POLQ: variants seen among roughly 807,000 people sequenced by gnomAD.
POLQ encodes epididymis secretory sperm binding protein.
A neutral mutation model predicts 259.2 loss-of-function variants in POLQ; 233 were observed. The observed-to-expected ratio is 0.90, with a 90% CI of 0.81 to 1.00. The LOEUF is 1.00. POLQ is among the 50% of genes least tolerant of loss of function. The probability of loss-of-function intolerance (pLI) is 0.00; values close to 1 mark genes in which losing one functional copy is unlikely to be tolerated. For missense variants in POLQ, 2,871 were observed against 3,051.6 expected, an observed-to-expected ratio of 0.94 and a Z score of 1.39; for synonymous variants, 1,025 against 1,048.8, an observed-to-expected ratio of 0.98 and a Z score of 0.44.
At chr3:121,528,489 G>T (rs993088699) in intron 7 of POLQ, among the ~76,000 whole-genome samples, 1 of 151,602 alleles carries the variant, frequency 6.6e-6, no homozygotes, top group Admixed American at 6.6e-5. Context: ...GATTACAGGC[G>T]TGCACCACCA....
At position 121,497,445 on chromosome 3, in the gene POLQ, C is replaced by CT. The variant is rs1005747994; in HGVS notation, c.2154-514dup. 1.7e-3 allele frequency among the ~76,000 whole-genome samples: 252 copies of CT among 151,110 alleles called. 3 individuals carry two copies. The highest frequency in any genetic ancestry group is 5.7e-3 in the South Asian group (27 of 4,764). ...AAGAAAAATCATTTCATTATTATTT[C>CT]TTTTTTTTTGAGACGGAGTCTCACT... On this transcript the variant is annotated intron_variant, in intron 13 of 29. Transcript: ENST00000264233.
chr3:121,483,718 TTCAGCATC>T (rs2047989030), intron 17 of POLQ, 136 bp from the exon 18 acceptor site: 1 of 559,602 alleles, frequency 1.8e-6, no homozygotes, highest in Non-Finnish European at 3.0e-6. Context: ...TGACGAGTAA[TTCAGCATC>T]TTATCCAGGT....
Position 121,522,150 on chromosome 3 carries a change from C to G in POLQ, c.1109-1G>C, listed in dbSNP as rs1356155505. The G allele has an allele frequency of 1.9e-6, 3 of 1,591,120 alleles. No homozygotes were observed. Among genetic ancestry groups the G allele is most frequent in the South Asian group, 1.2e-5 (1 of 86,600 alleles). ...GGGCATTCAGAGGGTTTCACCAATC[C>G]TGTCACAAAAAAATTATCAACACCA... On this transcript the variant is annotated splice_acceptor_variant, in intron 7 of 29. Coordinates refer to ENST00000264233, the MANE Select transcript of POLQ (RefSeq NM_199420.4). LOFTEE classifies it high-confidence loss of function.
At position 121,460,137 on chromosome 3, in the gene POLQ, T is replaced by C. The variant is rs1205107723; in HGVS notation, c.7065A>G (p.Gly2355=). ...DRRLIQVLNT[G]ADVFRSIAAE... is the part of the protein sequence containing the mutation. Reference sequence around the variant, plus strand: ...CTGCAATGCTCCTGAAAACATCAGCTCCAGTGTTTAACACTTGAATGAGAC... The same window carrying C: ...CTGCAATGCTCCTGAAAACATCAGCCCCAGTGTTTAACACTTGAATGAGAC... Residue 2355 remains glycine (G), a synonymous_variant, in exon 25 of 30, where the codon GGA becomes GGG. Transcript: ENST00000264233. The C allele has an allele frequency of 6.2e-7, 1 of 1,613,644 alleles. No homozygotes were observed. The highest frequency in any genetic ancestry group is 1.1e-5 in the South Asian group (1 of 91,074).
Position 121,460,058 on chromosome 3 carries a change from C to G in POLQ, c.7144G>C (p.Ala2382Pro), listed in dbSNP as rs1010098557. The change falls in exon 25 of 30, where the codon GCA becomes CCA. Residue 2382 changes from alanine to proline, a missense_variant. Physicochemically the swap from Ala to Pro is conservative, Grantham distance 27. Coordinates refer to ENST00000264233, the MANE Select transcript of POLQ (RefSeq NM_199420.4). ...ESVGDDLRQQAKQICYGIIYG... is the reference protein window; with the variant it reads ...ESVGDDLRQQPKQICYGIIYG... ...ATGTTCACTAAAATCACCTGTTTTG[C>G]CTGCTGCCTCAGATCATCCCCAACA... The G allele has an allele frequency of 3.7e-6, 6 of 1,612,938 alleles. No homozygotes were observed. In the African/African-American group the frequency reaches 8.0e-5, roughly 22 times the overall value.
intron 24 of POLQ, among the ~76,000 whole-genome samples, chr3:121,466,186 C>A (rs1035405330): frequency 6.6e-6 from 1 of 151,466 alleles, no homozygotes; most frequent in East Asian, 1.9e-4. Flanking sequence ...AAGTCTAATC[C>A]AGAGCAAGGA....
rs80190952 is a variant in POLQ, at chr3:121,477,940, C to G, written c.6212-1207G>C. Among the ~76,000 whole-genome samples, 1,020 of 152,210 alleles carry G rather than the reference C, an allele frequency of 6.7e-3. 6 individuals carry two copies. Among genetic ancestry groups the G allele is most frequent in the South Asian group, 0.013 (62 of 4,806 alleles). ...GACCGTCAGAGCCTGGCTTTAGAAG[C>G]CTGGAACTAGTGGAGAAATTCACGT... is the stretch of plus-strand genomic sequence containing the variant. On this transcript the variant is annotated intron_variant, in intron 19 of 29. Coordinates refer to ENST00000264233, the MANE Select transcript of POLQ (RefSeq NM_199420.4).
intron 7 of POLQ, among the ~76,000 whole-genome samples, chr3:121,529,063 TG>T (rs2048392553): frequency 6.6e-6 from 1 of 152,230 alleles, no homozygotes; most frequent in Non-Finnish European, 1.5e-5. Flanking sequence ...TTTTTCTTTT[TG>T]TTTTTTAATG....
intron 2 of POLQ, 117 bp from the exon 3 acceptor site, chr3:121,541,596 G>A (rs2048490603): frequency 1.2e-6 from 1 of 812,306 alleles, no homozygotes; most frequent in Non-Finnish European, 1.9e-6. Context: ...CAATCACTAA[G>A]GGCCCAATAG....
At position 121,458,834 on chromosome 3, in the gene POLQ, T is replaced by C. The variant is rs539334911; in HGVS notation, c.7152+1216A>G. ...GGGAGGCCAAGTTGGAAGTATCACT[T>C]GACGCCAGGAGTTGAAGACCACCCT... is the stretch of plus-strand genomic sequence containing the variant. On this transcript the variant is annotated intron_variant, in intron 25 of 29. Transcript: ENST00000264233. 9.6e-4 allele frequency among the ~76,000 whole-genome samples: 146 copies of C among 152,294 alleles called. 2 individuals are homozygous for C. In the South Asian group the frequency reaches 0.03, roughly 31 times the overall value.
At chr3:121,526,966 C>T (rs866042068) in intron 7 of POLQ, among the ~76,000 whole-genome samples, 28 of 152,098 alleles carry the variant, frequency 1.8e-4, no homozygotes, top group South Asian at 8.3e-4. Context: ...CACAGTGGCA[C>T]GATCATGGCT....
At chr3:121,453,688 G>A (rs1049045945) in intron 25 of POLQ, among the ~76,000 whole-genome samples, 33 of 152,102 alleles carry the variant, frequency 2.2e-4, no homozygotes, top group African/African-American at 7.5e-4. Flanking sequence ...AGAAAAAAGA[G>A]TAAAAAGAAA....
intron 7 of POLQ, 133 bp from the exon 8 acceptor site, chr3:121,522,282 A>C: frequency 9.9e-6 from 1 of 100,782 alleles, no homozygotes; most frequent in Non-Finnish European, 1.9e-5. Context: ...TCCCCTGGAG[A>C]TCTTTTTTTT....
intron 7 of POLQ, among the ~76,000 whole-genome samples, chr3:121,524,725 T>G (rs1199763672): frequency 6.6e-6 from 1 of 151,986 alleles, no homozygotes; most frequent in Non-Finnish European, 1.5e-5. Context: ...AAGTCTGGAA[T>G]AGAGGGAAGA....
At chr3:121,511,789 A>T (rs570465712) in intron 10 of POLQ, 98 bp downstream of exon 10, 503 of 978,940 alleles carry the variant, frequency 5.1e-4, no homozygotes, top group African/African-American at 3.5e-3. Context: ...AAAATAAATT[A>T]AAAAAAATAA....
At chr3:121,532,922 G>T in intron 6 of POLQ, 68 bp downstream of exon 6, 2 of 995,270 alleles carry the variant, frequency 2.0e-6, no homozygotes, top group Non-Finnish European at 3.0e-6. Context: ...GAATTTGTTA[G>T]CAATTTGCTA....
At chr3:121,482,646 T>C (rs1041669663) in intron 18 of POLQ, among the ~76,000 whole-genome samples, 2 of 152,118 alleles carry the variant, frequency 1.3e-5, no homozygotes, top group African/African-American at 4.8e-5. Context: ...CAATTATTCA[T>C]TTGATTGCTA....
chr3:121,477,444 A>C (rs770478878), intron 19 of POLQ, among the ~76,000 whole-genome samples: 3 of 152,196 alleles, frequency 2.0e-5, no homozygotes, highest in Admixed American at 2.0e-4. Context: ...ATATCTCATT[A>C]TATATATGCA....
intron 24 of POLQ, among the ~76,000 whole-genome samples, chr3:121,465,037 A>C (rs2047823829): frequency 6.6e-6 from 1 of 152,170 alleles, no homozygotes; most frequent in South Asian, 2.1e-4. Flanking sequence ...ATTTTTTAAA[A>C]AATGAGTTTC....
Sources: allele counts gnomAD v4.1 joint callset (sites outside exome capture counted in the v4.1 genomes callset), GRCh38; gene constraint gnomAD v4.1.1; transcripts MANE v1.5; gene names NCBI Gene and HGNC (gene_info 2026-07-23, HGNC 2026-07-21).